NAPEPLD: variants seen among roughly 807,000 people sequenced by gnomAD.
NAPEPLD encodes N-acyl phosphatidylethanolamine phospholipase D, also known as N-acyl-phosphatidylethanolamine-hydrolyzing phospholipase D.
Under a neutral mutation model 38.1 loss-of-function variants are expected in NAPEPLD, and 23 were observed. The observed-to-expected ratio is 0.60, with a 90% CI of 0.43 to 0.86. The LOEUF (loss-of-function observed/expected upper bound fraction) is 0.86. Ranked by LOEUF, NAPEPLD falls within the 40% of genes least tolerant of loss-of-function variation. NAPEPLD has a pLI of 0.00. For missense variants in NAPEPLD, 411 were observed against 476.8 expected (o/e 0.86, Z 1.28); for synonymous variants, 147 against 162.0 (o/e 0.91, Z 0.71).
At chr7:103,149,300 A>G, upstream of NAPEPLD, 19 of 1,079,390 alleles carry the variant, frequency 1.8e-5, no homozygotes, top group Non-Finnish European at 2.0e-5. Flanking sequence ...GGTGGCCGGG[A>G]GCGCGCGCCG....
intron 1 of NAPEPLD, chr7:103,141,853 G>C (rs1313450577): frequency 3.0e-6 from 3 of 984,294 alleles, no homozygotes; most frequent in Admixed American, 3.4e-5. Context: ...TGATTTCATT[G>C]GTCTCATTGG....
At chr7:103,137,474 A>C (rs1810304588) in intron 1 of NAPEPLD, among the ~76,000 whole-genome samples, 1 of 152,224 alleles carries the variant, frequency 6.6e-6, no homozygotes, top group Non-Finnish European at 1.5e-5. Context: ...TTACGACTGG[A>C]ATCCTTAGGG....
intron 1 of NAPEPLD, among the ~76,000 whole-genome samples, chr7:103,139,344 T>C (rs980940917): frequency 6.6e-6 from 1 of 152,142 alleles, no homozygotes; most frequent in African/African-American, 2.4e-5. Flanking sequence ...AAAAAAATCA[T>C]AAGAAACCAT....
At chr7:103,120,296 T>C (rs956250977) in intron 2 of NAPEPLD, 73 bp from the exon 3 acceptor site, 143 of 1,477,094 alleles carry the variant, frequency 9.7e-5, no homozygotes, top group Non-Finnish European at 1.3e-4. Flanking sequence ...GTCCACATTT[T>C]GACCTAAATA....
At chr7:103,123,322 C>T (rs528038828) in intron 2 of NAPEPLD, among the ~76,000 whole-genome samples, 2 of 152,274 alleles carry the variant, frequency 1.3e-5, no homozygotes, top group Admixed American at 6.5e-5. Flanking sequence ...AGCATGTGCT[C>T]AACAAAATTT....
At chr7:103,109,848 A>G (rs1247870693) in intron 4 of NAPEPLD, among the ~76,000 whole-genome samples, 1 of 152,176 alleles carries the variant, frequency 6.6e-6, no homozygotes, top group African/African-American at 2.4e-5. Context: ...CAAAAGAGAG[A>G]AGAATCAAAT....
intron 1 of NAPEPLD, among the ~76,000 whole-genome samples, chr7:103,129,057 G>C (rs1322632874): frequency 6.6e-6 from 1 of 152,114 alleles, no homozygotes; most frequent in African/African-American, 2.4e-5. Context: ...CCTCAGGTCG[G>C]GAGTTCGAGA....
At chr7:103,132,043 G>GGCGGAGGTT (rs1809059775) in intron 1 of NAPEPLD, among the ~76,000 whole-genome samples, 1 of 152,208 alleles carries the variant, frequency 6.6e-6, no homozygotes, top group Admixed American at 6.5e-5. Flanking sequence ...GAACCCAGGA[G>GGCGGAGGTT]GCGGAGGTTG....
At chr7:103,128,397 A>G (rs1206203634) in intron 2 of NAPEPLD, 86 bp downstream of exon 2, 1 of 1,469,862 alleles carries the variant, frequency 6.8e-7, no homozygotes, top group Admixed American at 1.9e-5. Flanking sequence ...ACCTAATTCT[A>G]TGCCTTATGA....
At chr7:103,123,854 G>C (rs1217722494) in intron 2 of NAPEPLD, among the ~76,000 whole-genome samples, 21 of 152,156 alleles carry the variant, frequency 1.4e-4, no homozygotes, top group Non-Finnish European at 5.9e-5. Flanking sequence ...AAGGGGGTAT[G>C]AATTTCAAAA....
At chr7:103,132,043 G>A (rs1009582662) in intron 1 of NAPEPLD, among the ~76,000 whole-genome samples, 1 of 152,208 alleles carries the variant, frequency 6.6e-6, no homozygotes, top group Non-Finnish European at 1.5e-5. Flanking sequence ...GAACCCAGGA[G>A]GCGGAGGTTG....
At chr7:103,120,452 A>G (rs887717778) in intron 2 of NAPEPLD, among the ~76,000 whole-genome samples, 1 of 152,144 alleles carries the variant, frequency 6.6e-6, no homozygotes, top group Non-Finnish European at 1.5e-5. Flanking sequence ...CAAATGCAAA[A>G]GAGAAAATTA....
At chr7:103,137,819 A>G (rs1315406722) in intron 1 of NAPEPLD, among the ~76,000 whole-genome samples, 16 of 143,758 alleles carry the variant, frequency 1.1e-4, no homozygotes, top group African/African-American at 4.2e-4. Flanking sequence ...CTGTCTCAAA[A>G]AAAAAAAAAA....
chr7:103,121,581 G>A (rs1471222177), intron 2 of NAPEPLD, among the ~76,000 whole-genome samples: 2 of 152,192 alleles, frequency 1.3e-5, no homozygotes, highest in East Asian at 3.8e-4. Flanking sequence ...TCTTTAGGAA[G>A]TTCAGAGGAA....
chr7:103,124,973 ATACT>A (rs1366412657), intron 2 of NAPEPLD, among the ~76,000 whole-genome samples: 1 of 152,218 alleles, frequency 6.6e-6, no homozygotes, highest in Non-Finnish European at 1.5e-5. Flanking sequence ...TCTTCTTAAC[ATACT>A]TACAATTTTA....
intron 1 of NAPEPLD, among the ~76,000 whole-genome samples, chr7:103,144,311 A>G (rs1270508762): frequency 6.6e-6 from 1 of 152,168 alleles, no homozygotes; most frequent in Non-Finnish European, 1.5e-5. Flanking sequence ...TTTGGCTTTC[A>G]ACAAAATTTT....
intron 1 of NAPEPLD, among the ~76,000 whole-genome samples, chr7:103,137,739 C>T (rs1437571915): frequency 6.7e-6 from 1 of 149,776 alleles, no homozygotes; most frequent in Non-Finnish European, 1.5e-5. Context: ...CTGCTTGAAC[C>T]CAGGAGGTAA....
At chr7:103,149,673 G>A (rs1813323949), upstream of NAPEPLD, 3 of 289,818 alleles carry the variant, frequency 1.0e-5, no homozygotes, top group South Asian at 5.1e-5. Flanking sequence ...CCCGCCTCGC[G>A]ACTCAAACAC....
At position 103,119,893 on chromosome 7, in the gene NAPEPLD, A is replaced by G. The variant is rs749710412; in HGVS notation, c.625T>C (p.Trp209Arg). The change falls in exon 3 of 5, where the codon TGG becomes CGG. Residue 209 changes from tryptophan to arginine, a missense_variant. By Grantham distance (101) the Trp-to-Arg change is moderately radical. Coordinates refer to ENST00000465647, the MANE Select transcript of NAPEPLD (RefSeq NM_001122838.3). Reference sequence around the variant, plus strand: ...TCAAGGAGACCCAAAGGCACAAACCATCTCAACTCATTACCAAATCGCTCA... The same window carrying G: ...TCAAGGAGACCCAAAGGCACAAACCGTCTCAACTCATTACCAAATCGCTCA... The part of the protein sequence containing the change: ...LNERFGNELR[W>R]FVPLGLLDWM... 6.2e-6 allele frequency: 10 copies of G among 1,614,218 alleles called. No homozygotes were observed. Among genetic ancestry groups the G allele is most frequent in the Non-Finnish European group, 8.5e-6 (10 of 1,180,040 alleles).
Sources: allele counts gnomAD v4.1 joint callset (sites outside exome capture counted in the v4.1 genomes callset), GRCh38; gene constraint gnomAD v4.1.1; transcripts MANE v1.5; gene names NCBI Gene and HGNC (gene_info 2026-07-23, HGNC 2026-07-21).